The following INSR variants were observed in gnomAD, a reference collection of about 807,000 sequenced individuals.
The protein encoded by INSR is IR.
In INSR, 67 loss-of-function variants were observed where a neutral mutation model predicts 142.6. That is an observed-to-expected ratio of 0.47 (90% CI 0.39 to 0.58). The LOEUF (loss-of-function observed/expected upper bound fraction) is 0.58. Among genes scored for constraint, INSR ranks in the 20% least tolerant of loss-of-function variants. The pLI, the probability that INSR is intolerant of heterozygous loss-of-function variation, is 0.00. For synonymous variants in INSR, 756 were observed against 743.1 expected, an observed-to-expected ratio of 1.02 and a Z score of -0.28; for missense variants, 1,248 against 1,833.2, an observed-to-expected ratio of 0.68 and a Z score of 5.83.
chr19:7,138,320 G>C (rs1474624900), intron 13 of INSR, among the ~76,000 whole-genome samples: 1 of 152,104 alleles, frequency 6.6e-6, no homozygotes, highest in African/African-American at 2.4e-5. Flanking sequence ...CTAAACTCCA[G>C]AGCATGTAAT....
intron 13 of INSR, among the ~76,000 whole-genome samples, chr19:7,138,656 G>T (rs1295132721): frequency 6.6e-6 from 1 of 152,096 alleles, no homozygotes; most frequent in Non-Finnish European, 1.5e-5. Flanking sequence ...ACAGGCATGA[G>T]CCACCATGCT....
intron 2 of INSR, among the ~76,000 whole-genome samples, chr19:7,245,384 C>A (rs1449344831): frequency 1.3e-5 from 2 of 152,178 alleles, no homozygotes; most frequent in East Asian, 3.8e-4. Context: ...GTAGTCCCAG[C>A]AACTTGGAGG....
In INSR at chr19:7,237,334, T is replaced by C. The variant is rs572574995; in HGVS notation, c.652+30011A>G. Among the ~76,000 whole-genome samples, 200 of 151,246 alleles carry C rather than the reference T, an allele frequency of 1.3e-3. 2 individuals carry two copies. The highest frequency in any genetic ancestry group is 4.5e-3 in the African/African-American group (185 of 41,164). On this transcript the variant is annotated intron_variant, in intron 2 of 21. Coordinates refer to ENST00000302850, the MANE Select transcript of INSR (RefSeq NM_000208.4). Reference sequence around the variant, plus strand: ...GAGTTCCAGACCAGCCTGGCCAATATGGTGAAACCCCGTCTCTACTAAAAC... The same window carrying C: ...GAGTTCCAGACCAGCCTGGCCAATACGGTGAAACCCCGTCTCTACTAAAAC...
rs768764179 is a variant in INSR at position 7,125,313 on chromosome 19, C to T, written c.3228G>A (p.Ser1076=). 7.1e-5 allele frequency: 115 copies of T among 1,613,930 alleles called. No individual in the cohort carries two copies. The highest frequency in any genetic ancestry group is 3.3e-4 in the Middle Eastern group (2 of 6,084). The change falls in exon 17 of 22, where the codon TCG becomes TCA. Residue 1076 remains serine (S), a synonymous_variant. Transcript: ENST00000302850. This position sits in a 1 kb window ranked among gnomAD's most constrained non-coding sequence, Gnocchi z 4.9. ...RERIEFLNEA[S]VMKGFTCHHV... is the part of the protein sequence containing the mutation. The stretch of plus-strand genomic sequence containing the variant: ...GATGGCAGGTGAAGCCCTTCATGAC[C>T]GAGGCCTCATTGAGGAACTCAATCC...
At chr19:7,279,910 G>A (rs921273879) in intron 1 of INSR, among the ~76,000 whole-genome samples, 1 of 151,868 alleles carries the variant, frequency 6.6e-6, no homozygotes, top group Non-Finnish European at 1.5e-5. Flanking sequence ...GGAGATTGCG[G>A]AGGCCTGACA....
chr19:7,128,482 A>G (rs1011174051), intron 15 of INSR, among the ~76,000 whole-genome samples: 6 of 151,794 alleles, frequency 4.0e-5, no homozygotes, highest in South Asian at 2.1e-4. Flanking sequence ...CCAAAGTGCT[A>G]GCATTACAGG....
chr19:7,178,060 G>A (rs1974181021), intron 3 of INSR, among the ~76,000 whole-genome samples: 1 of 152,010 alleles, frequency 6.6e-6, no homozygotes, highest in Non-Finnish European at 1.5e-5. Context: ...CCTTGTTGCT[G>A]CTGCTGTTGT....
chr19:7,287,412 C>T (rs985342549), intron 1 of INSR, among the ~76,000 whole-genome samples: 10 of 151,888 alleles, frequency 6.6e-5, no homozygotes, highest in African/African-American at 1.7e-4. Context: ...CCACCCACCT[C>T]GGCCTCCCAA....
intron 13 of INSR, among the ~76,000 whole-genome samples, chr19:7,137,111 C>T (rs542514647): frequency 7.3e-4 from 111 of 152,130 alleles, no homozygotes; most frequent in South Asian, 2.9e-3. Context: ...GGATTACAGG[C>T]GTGAGCCACT....
chr19:7,184,927 G>A (rs953596378), intron 2 of INSR, among the ~76,000 whole-genome samples: 2 of 152,110 alleles, frequency 1.3e-5, no homozygotes, highest in South Asian at 2.1e-4. Flanking sequence ...AGCATTTGCC[G>A]ATTTCCATGG....
chr19:7,279,584 G>A lies in INSR; in HGVS notation c.101-11688C>T, dbSNP rs140590120. Among the ~76,000 whole-genome samples, 93 of 151,576 alleles carry A rather than the reference G, an allele frequency of 6.1e-4. No individual in the cohort carries two copies. In the East Asian group the frequency reaches 0.014, roughly 23 times the overall value. ...GGCTTTGGGATACTCAGGGATGTGG[G>A]TCCCGTGGGCATTGGGAAGATGGGG... On this transcript the variant is annotated intron_variant, in intron 1 of 21. Transcript: ENST00000302850.
intron 2 of INSR, among the ~76,000 whole-genome samples, chr19:7,228,719 A>C (rs1476191778): frequency 1.3e-5 from 2 of 152,242 alleles, no homozygotes; most frequent in African/African-American, 2.4e-5. Flanking sequence ...GTAAGTAAAG[A>C]AAACACAATC....
intron 2 of INSR, among the ~76,000 whole-genome samples, chr19:7,221,378 A>AAGG (rs71177175): frequency 0.22 from 31,129 of 139,910 alleles, 5,493 homozygotes; most frequent in African/African-American, 0.5. Context: ...TGTCAAAAAA[A>AAGG]AGGAGGAGGA....
At chr19:7,252,320 G>A (rs887981254) in intron 2 of INSR, among the ~76,000 whole-genome samples, 1 of 151,964 alleles carries the variant, frequency 6.6e-6, no homozygotes, top group Non-Finnish European at 1.5e-5. Context: ...GCTGAGGCAG[G>A]AGAATCGCTT....
intron 2 of INSR, among the ~76,000 whole-genome samples, chr19:7,249,526 C>T (rs907097832): frequency 6.6e-6 from 1 of 152,096 alleles, no homozygotes; most frequent in African/African-American, 2.4e-5. Flanking sequence ...AGCTTTATCA[C>T]TCAAGTATGG....
chr19:7,199,072 C>T (rs1974875509), intron 2 of INSR, among the ~76,000 whole-genome samples: 1 of 151,878 alleles, frequency 6.6e-6, no homozygotes, highest in South Asian at 2.1e-4. Flanking sequence ...TTTTTGTAGA[C>T]ATGGGGACTC....
intron 8 of INSR, among the ~76,000 whole-genome samples, chr19:7,164,092 TAAAA>T (rs4031077): frequency 5.0e-5 from 4 of 80,274 alleles, no homozygotes; most frequent in East Asian, 3.9e-4. Context: ...GAAACTCCGT[TAAAA>T]AAAAAAAAAA....
chr19:7,189,388 C>T (rs1974517056), intron 2 of INSR, among the ~76,000 whole-genome samples: 1 of 152,242 alleles, frequency 6.6e-6, no homozygotes, highest in South Asian at 2.1e-4. Context: ...GGAGCCCTAG[C>T]TGACAGGCCT....
At chr19:7,191,921 AGAAG>A (rs1974601745) in intron 2 of INSR, among the ~76,000 whole-genome samples, 1 of 137,854 alleles carries the variant, frequency 7.3e-6, no homozygotes, top group East Asian at 2.4e-4. Flanking sequence ...AAAGACAGAA[AGAAG>A]GAGGGAAGGA....
Sources: gnomAD v4.1 joint callset for allele counts (sites outside exome capture counted in the v4.1 genomes callset) on GRCh38, gnomAD v4.1.1 for gene constraint, Gnocchi (gnomAD v3.1) non-coding constraint, MANE v1.5 for transcripts, NCBI Gene and HGNC (gene_info 2026-07-23, HGNC 2026-07-21) for gene names.